TSHZ2: variants seen among roughly 807,000 people sequenced by gnomAD.
The protein encoded by TSHZ2 is teashirt zinc finger homeobox 2, also known as teashirt homolog 2.
TSHZ2 carries 21 observed loss-of-function variants against 74.4 expected under a neutral mutation model. That is an observed-to-expected ratio of 0.28 (90% CI 0.20 to 0.41). TSHZ2 has a LOEUF of 0.41. Ranked by LOEUF, TSHZ2 falls within the 10% of genes least tolerant of loss-of-function variation. TSHZ2 has a pLI of 1.00. For synonymous variants in TSHZ2, 540 were observed against 515.3 expected (o/e 1.05, Z -0.65); for missense variants, 1,244 against 1,293.5 (o/e 0.96, Z 0.59).
intron 1 of TSHZ2, among the ~76,000 whole-genome samples, chr20:53,088,587 G>A (rs547330005): frequency 1.5e-4 from 23 of 152,212 alleles, no homozygotes; most frequent in African/African-American, 5.3e-4. Flanking sequence ...AATTTACCCC[G>A]TGCAAATGAA....
intron 1 of TSHZ2, among the ~76,000 whole-genome samples, chr20:53,168,018 G>T (rs1988102390): frequency 6.6e-6 from 1 of 152,144 alleles, no homozygotes; most frequent in Non-Finnish European, 1.5e-5. Flanking sequence ...GCCAGTCATG[G>T]GCAACCTGAT....
At chr20:53,379,631 C>G (rs1981787546) in intron 2 of TSHZ2, among the ~76,000 whole-genome samples, 1 of 151,790 alleles carries the variant, frequency 6.6e-6, no homozygotes, top group Non-Finnish European at 1.5e-5. Context: ...CAAGCGAAGC[C>G]CAATGGTGCC....
intron 1 of TSHZ2, among the ~76,000 whole-genome samples, chr20:53,221,913 C>T (rs1989568334): frequency 1.3e-5 from 2 of 152,168 alleles, no homozygotes; most frequent in South Asian, 2.1e-4. Context: ...AAATTACTCA[C>T]AAACTATCAT....
intron 1 of TSHZ2, among the ~76,000 whole-genome samples, chr20:53,020,297 C>A (rs891143430): frequency 6.6e-6 from 1 of 152,176 alleles, no homozygotes; most frequent in Non-Finnish European, 1.5e-5. Flanking sequence ...TTTTTATTCT[C>A]ATTCTTCCTT....
intron 1 of TSHZ2, among the ~76,000 whole-genome samples, chr20:53,134,017 T>C (rs1006008431): frequency 6.7e-6 from 1 of 148,608 alleles, no homozygotes; most frequent in Non-Finnish European, 1.5e-5. Flanking sequence ...ACCTTGATAC[T>C]ATCTGGAGAA....
chr20:53,466,872 A>G (rs1325664886), intron 2 of TSHZ2, among the ~76,000 whole-genome samples: 1 of 152,202 alleles, frequency 6.6e-6, no homozygotes, highest in Admixed American at 6.5e-5. Flanking sequence ...ATTTTGCATT[A>G]TATAGCTTTA....
intron 1 of TSHZ2, among the ~76,000 whole-genome samples, chr20:53,013,610 A>T (rs2123007468): frequency 6.6e-6 from 1 of 152,324 alleles, no homozygotes; most frequent in African/African-American, 2.4e-5. Context: ...TTGTTTGTGG[A>T]ATTATTAATA....
At chr20:53,437,967 GA>G (rs975008176) in intron 2 of TSHZ2, among the ~76,000 whole-genome samples, 8 of 152,272 alleles carry the variant, frequency 5.3e-5, no homozygotes, top group African/African-American at 1.9e-4. Flanking sequence ...ACAGTCTGCA[GA>G]ACTGTGAGCC....
At chr20:53,288,170 A>G (rs200640) in intron 2 of TSHZ2, among the ~76,000 whole-genome samples, 13,135 of 152,178 alleles carry the variant, frequency 0.086, 726 homozygotes, top group East Asian at 0.22. Context: ...TTGGGAGGCC[A>G]AGATGGGCAG....
chr20:53,469,055 A>G (rs1487242171), intron 2 of TSHZ2, among the ~76,000 whole-genome samples: 1 of 107,678 alleles, frequency 9.3e-6, no homozygotes, highest in African/African-American at 4.2e-5. Flanking sequence ...TTATATATAT[A>G]TATATATATA....
intron 2 of TSHZ2, among the ~76,000 whole-genome samples, chr20:53,471,615 C>T (rs1466748854): frequency 1.3e-5 from 2 of 152,062 alleles, no homozygotes; most frequent in Non-Finnish European, 2.9e-5. Context: ...GCTGGCCAAA[C>T]AAAGAGTGGG....
rs1402179182 is a variant in TSHZ2, at chr20:53,475,840, C to T, written c.*9-11304C>T. On this transcript the variant is annotated intron_variant, in intron 2 of 2. Transcript: ENST00000371497. The stretch of plus-strand genomic sequence containing the variant: ...GACAAAGGGGATATCACCACCGATC[C>T]CACAGAAATACAAACTACCATCAGA... 6.0e-5 allele frequency among the ~76,000 whole-genome samples: 8 copies of T among 133,978 alleles called. No individual in the cohort carries two copies. In the South Asian group the frequency reaches 7.6e-4, roughly 13 times the overall value. The allele number at this position is 133,978 out of a possible 152,430, so 87.9% of individuals were successfully genotyped here. A position where few individuals can be genotyped will look rare whatever the true frequency, so the allele number is the denominator to read the frequency against.
At chr20:53,144,081 C>T (rs1987479421) in intron 1 of TSHZ2, among the ~76,000 whole-genome samples, 1 of 152,132 alleles carries the variant, frequency 6.6e-6, no homozygotes, top group Non-Finnish European at 1.5e-5. Context: ...CCAGTTTATC[C>T]ATCTGGGTGG....
chr20:53,431,573 GT>G (rs762399110), intron 2 of TSHZ2, among the ~76,000 whole-genome samples: 3 of 152,152 alleles, frequency 2.0e-5, no homozygotes, highest in Non-Finnish European at 4.4e-5. Flanking sequence ...GACAGGTACT[GT>G]TTTAGGCTCT....
At chr20:53,144,827 G>T (rs978221724) in intron 1 of TSHZ2, among the ~76,000 whole-genome samples, 4 of 151,352 alleles carry the variant, frequency 2.6e-5, no homozygotes, top group African/African-American at 9.7e-5. Context: ...GTATTAAAAT[G>T]TATGAAAGAT....
At chr20:53,265,378 TG>T (rs1990692338) in intron 2 of TSHZ2, among the ~76,000 whole-genome samples, 1 of 152,050 alleles carries the variant, frequency 6.6e-6, no homozygotes, top group Admixed American at 6.5e-5. Flanking sequence ...TGAGGGGTGT[TG>T]GAGGTGAGCA....
intron 1 of TSHZ2, among the ~76,000 whole-genome samples, chr20:53,072,962 CATCT>C (rs1411856892): frequency 6.6e-6 from 1 of 151,380 alleles, no homozygotes; most frequent in African/African-American, 2.4e-5. Context: ...TTCCTTCATC[CATCT>C]ATCCCTCCAT....
At chr20:53,355,407 C>A (rs1178107575) in intron 2 of TSHZ2, among the ~76,000 whole-genome samples, 2 of 152,204 alleles carry the variant, frequency 1.3e-5, no homozygotes, top group Middle Eastern at 6.8e-3. Flanking sequence ...GTATTCATAC[C>A]ATGGAATGCT....
intron 1 of TSHZ2, among the ~76,000 whole-genome samples, chr20:53,033,935 C>T (rs1983734640): frequency 6.6e-6 from 1 of 152,084 alleles, no homozygotes; most frequent in South Asian, 2.1e-4. Flanking sequence ...GCTGGGATTG[C>T]AGGCATGAGC....
Sources: gnomAD v4.1 joint callset for allele counts (sites outside exome capture counted in the v4.1 genomes callset) on GRCh38, gnomAD v4.1.1 for gene constraint, MANE v1.5 for transcripts, NCBI Gene and HGNC (gene_info 2026-07-23, HGNC 2026-07-21) for gene names.